The following RARB variants were observed in gnomAD, a reference collection of about 807,000 sequenced individuals.
RARB encodes the protein retinoic acid receptor beta, also known as HBV-activated protein.
A neutral mutation model predicts 51.9 loss-of-function variants in RARB; 17 were observed. The ratio of observed to expected loss-of-function variants is 0.33; its 90% CI spans 0.22 to 0.49. The LOEUF is 0.49. Ranked by LOEUF, RARB falls within the 20% of genes least tolerant of loss-of-function variation. RARB has a pLI of 0.99. For synonymous variants in RARB, 215 were observed against 195.4 expected, an observed-to-expected ratio of 1.10 and a Z score of -0.84; for missense variants, 369 against 550.8, an observed-to-expected ratio of 0.67 and a Z score of 3.30.
chr3:25,219,808 C>T (rs1351201301), intron 5 of RARB, among the ~76,000 whole-genome samples: 1 of 152,184 alleles, frequency 6.6e-6, no homozygotes, highest in African/African-American at 2.4e-5. Flanking sequence ...GGCTCCTACA[C>T]ACTCACCTTG....
intron 2 of RARB, among the ~76,000 whole-genome samples, chr3:25,472,433 T>TG (rs1196512231): frequency 1.3e-5 from 2 of 152,240 alleles, no homozygotes; most frequent in Non-Finnish European, 2.9e-5. Flanking sequence ...TCTAGCCATG[T>TG]GCTCAGGTAC....
At chr3:25,228,692 A>G (rs911916067) in intron 5 of RARB, among the ~76,000 whole-genome samples, 3 of 152,028 alleles carry the variant, frequency 2.0e-5, no homozygotes, top group African/African-American at 7.2e-5. Context: ...CAGGTGGCAT[A>G]TTTGATCCTT....
At chr3:24,948,483 C>T (rs557211458) in intron 2 of RARB, among the ~76,000 whole-genome samples, 1 of 152,186 alleles carries the variant, frequency 6.6e-6, no homozygotes, top group Non-Finnish European at 1.5e-5. Context: ...TTCTTTTAGG[C>T]TAGCAAACCT....
intron 3 of RARB, among the ~76,000 whole-genome samples, chr3:25,077,394 T>A (rs917914748): frequency 1.3e-5 from 2 of 152,174 alleles, no homozygotes; most frequent in African/African-American, 4.8e-5. Flanking sequence ...AGTCAACCAG[T>A]GTTCTGATTT....
intron 2 of RARB, among the ~76,000 whole-genome samples, chr3:24,906,122 C>T (rs1694858390): frequency 6.6e-6 from 1 of 152,118 alleles, no homozygotes; most frequent in Admixed American, 6.5e-5. Context: ...AGCATGAGGA[C>T]CTAGGCTAGG....
At chr3:24,873,937 A>G (rs750851453) in intron 2 of RARB, among the ~76,000 whole-genome samples, 1 of 152,098 alleles carries the variant, frequency 6.6e-6, no homozygotes, top group Non-Finnish European at 1.5e-5. Context: ...ACCACAGATC[A>G]AAAATGTTCA....
At chr3:24,847,664 T>G (rs1275513058) in intron 1 of RARB, among the ~76,000 whole-genome samples, 1 of 152,214 alleles carries the variant, frequency 6.6e-6, no homozygotes, top group African/African-American at 2.4e-5. Flanking sequence ...GCATGGGACT[T>G]GTGGTGCTCA....
chr3:25,266,200 G>C (rs1346017868), intron 5 of RARB, among the ~76,000 whole-genome samples: 1 of 152,026 alleles, frequency 6.6e-6, no homozygotes, highest in African/African-American at 2.4e-5. Context: ...ATCTTTGGGG[G>C]CTAATATTCT....
chr3:25,337,870 G>C (rs1462901557), intron 5 of RARB, among the ~76,000 whole-genome samples: 1 of 152,080 alleles, frequency 6.6e-6, no homozygotes, highest in East Asian at 1.9e-4. Flanking sequence ...AGGTGATTTA[G>C]AGTGGATACT....
intron 2 of RARB, among the ~76,000 whole-genome samples, chr3:24,904,932 T>A (rs1054142979): frequency 6.6e-6 from 1 of 152,174 alleles, no homozygotes; most frequent in Non-Finnish European, 1.5e-5. Flanking sequence ...AAACACTGCG[T>A]GTTCTCAGTC....
intron 5 of RARB, among the ~76,000 whole-genome samples, chr3:25,226,730 TC>T (rs1702064288): frequency 6.6e-6 from 1 of 152,110 alleles, no homozygotes; most frequent in Admixed American, 6.6e-5. Context: ...TCTCCCCAAC[TC>T]CATGTCCTTT....
chr3:25,156,086 C>A (rs1433155521), intron 4 of RARB, among the ~76,000 whole-genome samples: 1 of 152,172 alleles, frequency 6.6e-6, no homozygotes, highest in Admixed American at 6.5e-5. Flanking sequence ...GTTTGGTCTT[C>A]TGTAGCCAAA....
At chr3:24,847,216 A>T (rs1702496244) in intron 1 of RARB, among the ~76,000 whole-genome samples, 1 of 152,204 alleles carries the variant, frequency 6.6e-6, no homozygotes, top group Admixed American at 6.5e-5. Flanking sequence ...ACATAGCTAA[A>T]GTCTGAGAAC....
intron 2 of RARB, among the ~76,000 whole-genome samples, chr3:24,980,242 T>C (rs76100747): frequency 2.0e-5 from 3 of 152,158 alleles, no homozygotes; most frequent in East Asian, 1.9e-4. Context: ...CTGACAATTA[T>C]GTGTCTTCGG....
intron 5 of RARB, among the ~76,000 whole-genome samples, chr3:25,219,744 G>A (rs73149208): frequency 0.015 from 2,223 of 152,254 alleles, 60 homozygotes; most frequent in African/African-American, 0.049. Context: ...TAGGCTTCAG[G>A]AAGTCCCGTT....
intron 5 of RARB, among the ~76,000 whole-genome samples, chr3:25,321,713 T>G (rs1211605395): frequency 6.6e-6 from 1 of 151,710 alleles, no homozygotes; most frequent in Non-Finnish European, 1.5e-5. Flanking sequence ...TGAGACTCCA[T>G]CTCAAAAAAT....
At chr3:25,116,820 A>G (rs917348479) in intron 3 of RARB, among the ~76,000 whole-genome samples, 6 of 152,086 alleles carry the variant, frequency 3.9e-5, no homozygotes, top group African/African-American at 7.2e-5. Flanking sequence ...TTTGTCTTCT[A>G]TTGCTGCATT....
Position 24,974,393 on chromosome 3 carries a change from G to A in RARB, c.-379-85732G>A, listed in dbSNP as rs556689856. On this transcript the variant is annotated intron_variant, in intron 2 of 11. Coordinates refer to the RARB transcript ENST00000383772. ...ATAAGTATTAACTTTTAGAAGTTTC[G>A]TTTTTGAAAAGGAGCCCACCTGGAG... Among the ~76,000 whole-genome samples, 7 of 152,108 alleles carry A rather than the reference G, an allele frequency of 4.6e-5. No individual in the cohort carries two copies. The South Asian group carries it at 1.2e-3, about 27-fold the overall frequency.
At chr3:25,418,875 AT>A (rs1310436985) in intron 5 of RARB, among the ~76,000 whole-genome samples, 1 of 151,946 alleles carries the variant, frequency 6.6e-6, no homozygotes, top group Non-Finnish European at 1.5e-5. Flanking sequence ...ACTATAGGGA[AT>A]GAGAAATATA....
Sources: allele counts gnomAD v4.1 joint callset (sites outside exome capture counted in the v4.1 genomes callset), GRCh38; gene constraint gnomAD v4.1.1; transcripts MANE v1.5; gene names NCBI Gene and HGNC (gene_info 2026-07-23, HGNC 2026-07-21).